Variants in SCOC observed in about 807,000 individuals in gnomAD.
SCOC encodes short coiled coil protein.
In SCOC, 7 loss-of-function variants were observed where a neutral mutation model predicts 9.9. The ratio of observed to expected loss-of-function variants is 0.71; its 90% CI spans 0.40 to 1.33. The LOEUF is 1.33. Among genes scored for constraint, SCOC ranks in the 40% most tolerant of loss-of-function variants. The pLI is 0.01. For synonymous variants in SCOC, 19 were observed against 28.2 expected (o/e 0.67, Z 1.03); for missense variants, 66 against 89.7 (o/e 0.74, Z 1.07).
intron 1 of SCOC, among the ~76,000 whole-genome samples, chr4:140,287,191 A>G (rs1005672811): frequency 8.6e-5 from 13 of 151,776 alleles, no homozygotes; most frequent in African/African-American, 2.7e-4. Context: ...CACATGCTAC[A>G]CACACACATC....
At chr4:140,260,912 T>G (rs1245452302) in intron 1 of SCOC, among the ~76,000 whole-genome samples, 1 of 152,218 alleles carries the variant, frequency 6.6e-6, no homozygotes, top group African/African-American at 2.4e-5. Flanking sequence ...AAAAAACAGC[T>G]GATTAATAGT....
chr4:140,365,183 A>AG (rs1189203883), intron 2 of SCOC, among the ~76,000 whole-genome samples: 8 of 151,782 alleles, frequency 5.3e-5, no homozygotes, highest in Admixed American at 3.3e-4. Context: ...AAAAAAAAAA[A>AG]AAAAGTGAAA....
rs146275903 is a variant in SCOC at position 140,348,556 on chromosome 4, G to GTA, written c.70+4856_70+4857dup. Among the ~76,000 whole-genome samples, 4 of 100,492 alleles carry GTA rather than the reference G, an allele frequency of 4.0e-5. No homozygotes were observed. In the East Asian group the frequency reaches 7.5e-4, roughly 19 times the overall value. 65.9% of individuals were successfully genotyped at this position (100,492 alleles called of 152,430 possible). A position where few individuals can be genotyped will look rare whatever the true frequency, so the allele number is the denominator to read the frequency against. ...TGTATATGTATGTATATATATGTGT[G>GTA]TATATATATGTATATATATACGCAC... On this transcript the variant is annotated intron_variant, in intron 2 of 4. Coordinates refer to the SCOC transcript ENST00000338517.
chr4:140,340,479 A>C (rs1726465795), upstream of SCOC, among the ~76,000 whole-genome samples: 1 of 152,118 alleles, frequency 6.6e-6, no homozygotes, highest in Non-Finnish European at 1.5e-5. Context: ...AAAAAAGAAA[A>C]GAAAATGTGG....
chr4:140,282,307 A>G (rs991140033), intron 1 of SCOC, among the ~76,000 whole-genome samples: 2 of 152,188 alleles, frequency 1.3e-5, no homozygotes, highest in South Asian at 2.1e-4. Flanking sequence ...CTGATTCTGA[A>G]AGGTCTCCAG....
At chr4:140,367,526 T>A (rs867502685) in intron 2 of SCOC, among the ~76,000 whole-genome samples, 6 of 151,818 alleles carry the variant, frequency 4.0e-5, no homozygotes, top group Non-Finnish European at 7.4e-5. Context: ...ACTACAGGTG[T>A]GTGCTGCCAT....
intron 1 of SCOC, among the ~76,000 whole-genome samples, chr4:140,279,510 A>T (rs944718316): frequency 5.3e-5 from 8 of 152,160 alleles, no homozygotes; most frequent in African/African-American, 1.9e-4. Flanking sequence ...ATCCTTGGAT[A>T]CTGGACACGC....
rs1231026984 is a variant in SCOC, at chr4:140,382,681, A to G, written c.*1577A>G. On this transcript the variant is annotated 3_prime_UTR_variant, in exon 4 of 4. Transcript: ENST00000608372. ...ACCCAGTTACTGATTATTTAGGGGA[A>G]TAATATTTTTATTAATACAACTATA... is the stretch of plus-strand genomic sequence containing the variant. 2 of 152,762 alleles carry G rather than the reference A, an allele frequency of 1.3e-5. No individual in the cohort carries two copies. Among genetic ancestry groups the G allele is most frequent in the East Asian group, 3.9e-4 (2 of 5,182 alleles). 9.5% of individuals were successfully genotyped at this position (152,762 alleles called of 1,614,324 possible).
chr4:140,357,471 C>T (rs1007273950), intron 2 of SCOC, among the ~76,000 whole-genome samples: 4 of 152,208 alleles, frequency 2.6e-5, no homozygotes, highest in Non-Finnish European at 4.4e-5. Flanking sequence ...ATTACATACC[C>T]AGCTGTCAGT....
intron 1 of SCOC, among the ~76,000 whole-genome samples, chr4:140,282,443 T>C (rs1312525134): frequency 6.6e-6 from 1 of 152,222 alleles, no homozygotes; most frequent in Non-Finnish European, 1.5e-5. Flanking sequence ...ATCTACGCTT[T>C]GTTCTCTGTA....
upstream of SCOC, among the ~76,000 whole-genome samples, chr4:140,338,831 T>C (rs1726380362): frequency 6.6e-6 from 1 of 152,042 alleles, no homozygotes; most frequent in African/African-American, 2.4e-5. Context: ...CATTCCATGC[T>C]CATGCGTAGG....
Position 140,344,821 on chromosome 4 carries a change from C to G in SCOC, c.70+1113C>G, listed in dbSNP as rs1247250976. Among the ~76,000 whole-genome samples, 4 of 152,184 alleles carry G rather than the reference C, an allele frequency of 2.6e-5. No homozygotes were observed. The East Asian group carries it at 7.7e-4, about 29-fold the overall frequency. ...TCTTAGCTTCGGGAGGCGAGATGAGCATGCGCATGGGGAGCCCTATATGCT... is the reference window on the plus strand; with the variant it reads ...TCTTAGCTTCGGGAGGCGAGATGAGGATGCGCATGGGGAGCCCTATATGCT... On this transcript the variant is annotated intron_variant, in intron 2 of 4. Coordinates refer to the SCOC transcript ENST00000338517.
chr4:140,356,946 G>A (rs1246606025), intron 2 of SCOC, among the ~76,000 whole-genome samples: 1 of 152,054 alleles, frequency 6.6e-6, no homozygotes, highest in African/African-American at 2.4e-5. Flanking sequence ...GAGATACATA[G>A]TACCTTAAAA....
chr4:140,329,790 T>TA (rs1374304878), intron 1 of SCOC, among the ~76,000 whole-genome samples: 2 of 151,830 alleles, frequency 1.3e-5, no homozygotes, highest in African/African-American at 4.8e-5. Context: ...AATCAAAAAA[T>TA]AAAAAAATAA....
intron 1 of SCOC, among the ~76,000 whole-genome samples, chr4:140,305,312 G>A (rs953161591): frequency 1.3e-5 from 2 of 152,174 alleles, no homozygotes; most frequent in African/African-American, 4.8e-5. Context: ...AGCTGAGGAA[G>A]TTTGTTTAGG....
At chr4:140,337,696 C>T (rs2321144) in intron 1 of SCOC, among the ~76,000 whole-genome samples, 126,798 of 152,120 alleles carry the variant, frequency 0.83, 52,931 homozygotes, top group African/African-American at 0.87. Flanking sequence ...AACTAGAAAA[C>T]CTGGAAGAAA....
intron 2 of SCOC, among the ~76,000 whole-genome samples, chr4:140,362,273 C>CTGTTCTTCTTCTTCTTCTTCTCTT: frequency 3.4e-5 from 1 of 29,076 alleles, no homozygotes; most frequent in Non-Finnish European, 7.6e-5. Flanking sequence ...ACAGGTGTGT[C>CTGTTCTTCTTCTTCTTCTTCTCTT]CTTACTTCTT....
In SCOC at chr4:140,317,057, A is replaced by G. The variant is rs190643841; in HGVS notation, c.-18-26564A>G. ...GTTTTCGTCTGTTCCACAGGTTTCC[A>G]CGAACACTTCCGTTGTCCATGATCT... On this transcript the variant is annotated intron_variant, in intron 1 of 4. Coordinates refer to the SCOC transcript ENST00000394205. 1.7e-3 allele frequency among the ~76,000 whole-genome samples: 259 copies of G among 152,236 alleles called. 1 individual carries two copies. The Middle Eastern group carries it at 0.041, about 24-fold the overall frequency.
Position 140,384,252 on chromosome 4 carries a change from T to C in SCOC, c.*3148T>C, listed in dbSNP as rs1728644823. On this transcript the variant is annotated 3_prime_UTR_variant, in exon 4 of 4. Transcript: ENST00000608372. ...CAAAATATATCCCCACTGCTTGTCA[T>C]GTTAATGGTAAGCTAATGCTATATA... 1 of 152,216 alleles carries C rather than the reference T, an allele frequency of 6.6e-6. No homozygotes were observed. 9.4% of individuals were successfully genotyped at this position (152,216 alleles called of 1,614,324 possible).
Sources: gnomAD v4.1 joint callset for allele counts (sites outside exome capture counted in the v4.1 genomes callset) on GRCh38, gnomAD v4.1.1 for gene constraint, MANE v1.5 for transcripts, NCBI Gene and HGNC (gene_info 2026-07-23, HGNC 2026-07-21) for gene names.